The following TENM2 variants were observed in gnomAD, a reference collection of about 807,000 sequenced individuals.
TENM2 encodes teneurin transmembrane protein 2.
A neutral mutation model predicts 245.2 loss-of-function variants in TENM2; 52 were observed. The ratio of observed to expected loss-of-function variants is 0.21; its 90% CI spans 0.17 to 0.27. The LOEUF (loss-of-function observed/expected upper bound fraction) is 0.27. Ranked by LOEUF, TENM2 falls within the 10% of genes least tolerant of loss-of-function variation. The pLI, the probability that TENM2 is intolerant of heterozygous loss-of-function variation, is 1.00. For missense variants in TENM2, 3,046 were observed against 3,666.8 expected, an observed-to-expected ratio of 0.83 and a Z score of 4.37; for synonymous variants, 1,363 against 1,438.9, an observed-to-expected ratio of 0.95 and a Z score of 1.19.
At chr5:167,663,175 AG>A (rs1561650040) in intron 2 of TENM2, among the ~76,000 whole-genome samples, 3,492 of 150,082 alleles carry the variant, frequency 0.023, 53 homozygotes, top group African/African-American at 0.083. Context: ...AGAGAGAGAG[AG>A]AGAGAGAGAG....
At chr5:167,499,385 G>T (rs1316667515) in intron 2 of TENM2, among the ~76,000 whole-genome samples, 1 of 152,152 alleles carries the variant, frequency 6.6e-6, no homozygotes, top group South Asian at 2.1e-4. Flanking sequence ...TGGGCATGGG[G>T]AATGTTTCCC....
chr5:167,514,565 A>C (rs1357040548), intron 2 of TENM2, among the ~76,000 whole-genome samples: 1 of 152,220 alleles, frequency 6.6e-6, no homozygotes, highest in Non-Finnish European at 1.5e-5. Flanking sequence ...TTTGCAAGCA[A>C]TTGTTAGAAA....
intron 2 of TENM2, among the ~76,000 whole-genome samples, chr5:167,511,086 A>G (rs1421433648): frequency 1.3e-5 from 2 of 152,204 alleles, no homozygotes; most frequent in Non-Finnish European, 2.9e-5. Flanking sequence ...CATGTATTAC[A>G]TACCTTCTAT....
chr5:167,226,111 C>T, the TENM2 span, among the ~76,000 whole-genome samples: 2 of 151,732 alleles, frequency 1.3e-5, no homozygotes, highest in South Asian at 4.1e-4. Flanking sequence ...AAACTTTTCA[C>T]TTTTTTGATC....
intron 5 of TENM2, among the ~76,000 whole-genome samples, chr5:168,000,377 G>A (rs1581015387): frequency 6.6e-6 from 1 of 152,214 alleles, no homozygotes; most frequent in Non-Finnish European, 1.5e-5. Flanking sequence ...GAAGCAGCTT[G>A]ATGTCGTAGA....
intron 17 of TENM2, among the ~76,000 whole-genome samples, chr5:168,200,775 T>C (rs1436481455): frequency 6.6e-6 from 1 of 152,202 alleles, no homozygotes; most frequent in African/African-American, 2.4e-5. Context: ...AACAGAAGTG[T>C]CCTACCGTTA....
At chr5:167,472,606 G>A (rs1435625446) in intron 2 of TENM2, among the ~76,000 whole-genome samples, 1 of 152,250 alleles carries the variant, frequency 6.6e-6, no homozygotes, top group Middle Eastern at 3.4e-3. Context: ...AAAGAAAATG[G>A]TGGTGGTGAC....
intron 2 of TENM2, among the ~76,000 whole-genome samples, chr5:167,458,215 G>A (rs930080901): frequency 2.6e-5 from 4 of 152,020 alleles, no homozygotes; most frequent in East Asian, 3.9e-4. Flanking sequence ...TGCCAGGCAC[G>A]GTGGCTCACG....
At chr5:167,338,031 T>C (rs1018170417) in intron 1 of TENM2, among the ~76,000 whole-genome samples, 1 of 152,242 alleles carries the variant, frequency 6.6e-6, no homozygotes, top group Non-Finnish European at 1.5e-5. Flanking sequence ...AATGAAATTT[T>C]GTGATTTCTC....
At chr5:167,324,649 G>C (rs976900636) in intron 1 of TENM2, among the ~76,000 whole-genome samples, 1 of 151,504 alleles carries the variant, frequency 6.6e-6, no homozygotes, top group Non-Finnish European at 1.5e-5. Context: ...TTGGGACCAC[G>C]ATGTATTTGG....
chr5:167,733,654 T>A (rs1760591903), intron 2 of TENM2, among the ~76,000 whole-genome samples: 4 of 152,234 alleles, frequency 2.6e-5, no homozygotes, highest in Admixed American at 2.6e-4. Flanking sequence ...GATTTACTTA[T>A]GTTTACATAT....
chr5:167,346,935 C>A (rs1351411912), intron 1 of TENM2, among the ~76,000 whole-genome samples: 1 of 152,006 alleles, frequency 6.6e-6, no homozygotes, highest in Non-Finnish European at 1.5e-5. Flanking sequence ...CCTCCACACC[C>A]AGCTATTTTT....
chr5:167,043,008 T>A, the TENM2 span, among the ~76,000 whole-genome samples: 7 of 152,174 alleles, frequency 4.6e-5, no homozygotes, highest in Non-Finnish European at 1.0e-4. Flanking sequence ...GACACCACAG[T>A]CTCTGGAACG....
At chr5:167,888,478 A>G (rs1464567492) in intron 3 of TENM2, among the ~76,000 whole-genome samples, 3 of 151,130 alleles carry the variant, frequency 2.0e-5, no homozygotes, top group Non-Finnish European at 4.4e-5. Flanking sequence ...AGAATGGTCC[A>G]AAAAAAAAGT....
At position 168,165,648 on chromosome 5, in the gene TENM2, A is replaced by ACCCCCCCCC. The variant is rs34203413; in HGVS notation, c.2569+2899_2569+2907dup. ...GGCACAATTCAGGATCCCCCCCCCA[A>ACCCCCCCCC]CCCCCCCCCCCCCCCCGGCTGGCAG... On this transcript the variant is annotated intron_variant, in intron 13 of 28. Transcript: ENST00000518659. Among the ~76,000 whole-genome samples the ACCCCCCCCC allele has an allele frequency of 2.2e-3, 69 of 30,940 alleles. 4 individuals are homozygous for ACCCCCCCCC. The highest frequency in any genetic ancestry group is 2.5e-3 in the Non-Finnish European group (45 of 17,968). 20.3% of individuals were successfully genotyped at this position (30,940 alleles called of 152,430 possible).
intron 2 of TENM2, among the ~76,000 whole-genome samples, chr5:167,792,446 G>A (rs918795): frequency 0.069 from 10,422 of 151,808 alleles, 426 homozygotes; most frequent in Middle Eastern, 0.092. Context: ...GCACAGGTGC[G>A]GAAAGATATT....
chr5:167,558,677 C>G (rs541357738), intron 2 of TENM2, among the ~76,000 whole-genome samples: 1 of 152,110 alleles, frequency 6.6e-6, no homozygotes, highest in South Asian at 2.1e-4. Flanking sequence ...CATCTAGTTA[C>G]GGGAAAACAA....
At chr5:167,444,368 G>A (rs1325555409) in intron 2 of TENM2, among the ~76,000 whole-genome samples, 1 of 151,772 alleles carries the variant, frequency 6.6e-6, no homozygotes, top group Non-Finnish European at 1.5e-5. Context: ...ACTTTCACAT[G>A]TAACAAATGA....
chr5:167,554,055 G>C (rs905248375), intron 2 of TENM2, among the ~76,000 whole-genome samples: 3 of 152,124 alleles, frequency 2.0e-5, no homozygotes, highest in Non-Finnish European at 4.4e-5. Flanking sequence ...AGTGTCTGGG[G>C]ATCATTCTAT....
Sources: gnomAD v4.1 joint callset for allele counts (sites outside exome capture counted in the v4.1 genomes callset) on GRCh38, gnomAD v4.1.1 for gene constraint, MANE v1.5 for transcripts, NCBI Gene and HGNC (gene_info 2026-07-23, HGNC 2026-07-21) for gene names.